Variants in SSBP2 observed in about 807,000 individuals in gnomAD.
The protein encoded by SSBP2 is single stranded DNA binding protein 2.
A neutral mutation model predicts 61.8 loss-of-function variants in SSBP2; 17 were observed. The ratio of observed to expected loss-of-function variants is 0.28; its 90% CI spans 0.19 to 0.41. The LOEUF is 0.41. SSBP2 is among the 10% of genes least tolerant of loss of function. The pLI is 1.00. For synonymous variants in SSBP2, 139 were observed against 141.3 expected (o/e 0.98, Z 0.12); for missense variants, 310 against 458.7 (o/e 0.68, Z 2.96).
At chr5:81,704,422 C>T (rs542771674) in intron 1 of SSBP2, among the ~76,000 whole-genome samples, 14 of 152,234 alleles carry the variant, frequency 9.2e-5, no homozygotes, top group South Asian at 8.3e-4. Flanking sequence ...TGTACATATG[C>T]ATACAGGCAC....
intron 4 of SSBP2, among the ~76,000 whole-genome samples, chr5:81,567,755 A>G (rs1473503118): frequency 1.3e-5 from 2 of 152,166 alleles, no homozygotes; most frequent in African/African-American, 4.8e-5. Context: ...GATCATGGGA[A>G]CCCACCTCTT....
chr5:81,659,778 A>G (rs1581272821), intron 1 of SSBP2, among the ~76,000 whole-genome samples: 2 of 152,170 alleles, frequency 1.3e-5, no homozygotes, highest in Non-Finnish European at 2.9e-5. Flanking sequence ...CTATAACGCT[A>G]TAGTATAGCA....
At chr5:81,433,022 G>T (rs1277914244) in intron 15 of SSBP2, among the ~76,000 whole-genome samples, 2 of 151,432 alleles carry the variant, frequency 1.3e-5, no homozygotes, top group East Asian at 2.0e-4. Context: ...CGCCCCTTCC[G>T]GGAGGTGAGG....
At chr5:81,702,520 A>G (rs536520851) in intron 1 of SSBP2, among the ~76,000 whole-genome samples, 2 of 152,344 alleles carry the variant, frequency 1.3e-5, no homozygotes, top group East Asian at 1.9e-4. Flanking sequence ...CAAAATAGGC[A>G]TCGGAAAATA....
intron 4 of SSBP2, among the ~76,000 whole-genome samples, chr5:81,611,722 T>C (rs1268721594): frequency 6.6e-6 from 1 of 152,068 alleles, no homozygotes; most frequent in Non-Finnish European, 1.5e-5. Context: ...GAGAGAAGGG[T>C]GCTTATGATG....
chr5:81,442,738 TA>T lies in SSBP2; in HGVS notation c.779-16del. On this transcript the variant is annotated splice_polypyrimidine_tract_variant and intron_variant, in intron 12 of 16. Transcript: ENST00000320672. ...GTTGGTTGAATCTGAAACAAAATAT[TA>T]CTTAATTAAAATATTTCTTTAGAGT... is the stretch of plus-strand genomic sequence containing the variant. 1.4e-6 allele frequency: 2 copies of T among 1,397,340 alleles called. No homozygotes were observed. Among genetic ancestry groups the T allele is most frequent in the Non-Finnish European group, 2.0e-6 (2 of 1,007,086 alleles). The allele number at this position is 1,397,340 out of a possible 1,614,324, so 86.6% of individuals were successfully genotyped here. A position where few individuals can be genotyped will look rare whatever the true frequency, so the allele number is the denominator to read the frequency against.
chr5:81,592,890 A>G (rs1462385831), intron 4 of SSBP2, among the ~76,000 whole-genome samples: 3 of 152,188 alleles, frequency 2.0e-5, no homozygotes, highest in Admixed American at 6.5e-5. Flanking sequence ...AAAGATGGGG[A>G]AAAAACAGAG....
chr5:81,478,540 T>C (rs188979581), intron 6 of SSBP2, among the ~76,000 whole-genome samples: 35 of 152,236 alleles, frequency 2.3e-4, no homozygotes, highest in Non-Finnish European at 4.6e-4. Context: ...GGTTTCACCA[T>C]GTTGGCCAGG....
chr5:81,683,001 A>T (rs867089605), intron 1 of SSBP2, among the ~76,000 whole-genome samples: 1 of 152,150 alleles, frequency 6.6e-6, no homozygotes, highest in Non-Finnish European at 1.5e-5. Flanking sequence ...ACTCTGTTGA[A>T]AGACATCAAA....
chr5:81,577,541 G>C (rs958748295), intron 4 of SSBP2, among the ~76,000 whole-genome samples: 3 of 152,002 alleles, frequency 2.0e-5, no homozygotes, highest in African/African-American at 7.2e-5. Context: ...CAAGGAAATG[G>C]TGTTCCACAG....
At chr5:81,498,246 AT>A (rs1470632732) in intron 5 of SSBP2, among the ~76,000 whole-genome samples, 1 of 152,098 alleles carries the variant, frequency 6.6e-6, no homozygotes, top group African/African-American at 2.4e-5. Context: ...CCAAAAAGTA[AT>A]TTTCTTTACT....
At chr5:81,506,411 T>C (rs1580865733) in intron 5 of SSBP2, among the ~76,000 whole-genome samples, 1 of 152,290 alleles carries the variant, frequency 6.6e-6, no homozygotes, top group East Asian at 1.9e-4. Flanking sequence ...GTCTAATAAA[T>C]TAATTCTACT....
At chr5:81,561,894 T>A (rs974559878) in intron 4 of SSBP2, among the ~76,000 whole-genome samples, 3 of 152,208 alleles carry the variant, frequency 2.0e-5, no homozygotes, top group African/African-American at 7.2e-5. Flanking sequence ...ATTTAAATGT[T>A]AAGACCCTTT....
chr5:81,652,191 T>C (rs1749789211), intron 1 of SSBP2, among the ~76,000 whole-genome samples: 1 of 152,142 alleles, frequency 6.6e-6, no homozygotes, highest in Non-Finnish European at 1.5e-5. Flanking sequence ...TTCAGAACGG[T>C]CAAGGCCAGG....
intron 1 of SSBP2, among the ~76,000 whole-genome samples, chr5:81,681,556 A>C (rs1431495869): frequency 6.6e-6 from 1 of 151,644 alleles, no homozygotes; most frequent in Non-Finnish European, 1.5e-5. Context: ...ACTTACCAAA[A>C]TTTGTGAAAT....
At chr5:81,570,603 C>A (rs35586490) in intron 4 of SSBP2, among the ~76,000 whole-genome samples, 1 of 152,016 alleles carries the variant, frequency 6.6e-6, no homozygotes, top group African/African-American at 2.4e-5. Context: ...GGGGCGTCTG[C>A]CTGAGGAAGC....
intron 1 of SSBP2, among the ~76,000 whole-genome samples, chr5:81,735,602 T>C (rs1451911724): frequency 6.6e-6 from 1 of 152,230 alleles, no homozygotes; most frequent in African/African-American, 2.4e-5. Flanking sequence ...TCAGTGAATA[T>C]GCAACCATCC....
At chr5:81,561,374 TG>T (rs1364865520) in intron 4 of SSBP2, among the ~76,000 whole-genome samples, 4 of 152,182 alleles carry the variant, frequency 2.6e-5, no homozygotes, top group African/African-American at 9.6e-5. Context: ...ATGGAAGAGA[TG>T]GCAATGCAGT....
chr5:81,450,302 G>T (rs919069577), intron 10 of SSBP2, among the ~76,000 whole-genome samples: 2 of 152,116 alleles, frequency 1.3e-5, no homozygotes, highest in African/African-American at 4.8e-5. Context: ...GATTATAGGC[G>T]TGAGCTGCTG....
Sources: allele counts gnomAD v4.1 joint callset (sites outside exome capture counted in the v4.1 genomes callset), GRCh38; gene constraint gnomAD v4.1.1; transcripts MANE v1.5; gene names NCBI Gene and HGNC (gene_info 2026-07-23, HGNC 2026-07-21).